The following ZNF462 variants were observed in gnomAD, a reference collection of about 807,000 sequenced individuals.
The protein encoded by ZNF462 is zinc finger protein 462.
A neutral mutation model predicts 201.9 loss-of-function variants in ZNF462; 10 were observed. The ratio of observed to expected loss-of-function variants is 0.05; its 90% confidence interval spans 0.03 to 0.08. The LOEUF is 0.08. Among genes scored for constraint, ZNF462 ranks in the 10% least tolerant of loss-of-function variants. The pLI, the probability that ZNF462 is intolerant of heterozygous loss-of-function variation, is 1.00. For synonymous variants in ZNF462, 1,227 were observed against 1,193.3 expected, an observed-to-expected ratio of 1.03 and a Z score of -0.58; for missense variants, 2,523 against 3,168.3, an observed-to-expected ratio of 0.80 and a Z score of 4.89.
rs1232053234 is a variant in ZNF462, at chr9:106,876,069, T to A, written c.-31+12714T>A. ...GAAAATGCAGTTCTCTGTGCAGGGG[T>A]CTCTGTTAAGAAAGTGATGTGTAGT... On this transcript the variant is annotated intron_variant, in intron 1 of 12. Coordinates refer to ENST00000277225, the MANE Select transcript of ZNF462 (RefSeq NM_021224.6). This position sits in a 1 kb window ranked among gnomAD's most constrained non-coding sequence, Gnocchi z 4.9. Among the ~76,000 whole-genome samples, 1 of 152,030 alleles carries A rather than the reference T, an allele frequency of 6.6e-6. No individual in the cohort carries two copies. Among genetic ancestry groups the A allele is most frequent in the African/African-American group, 2.4e-5 (1 of 41,370 alleles).
Position 106,998,680 on chromosome 9 carries a change from T to C in ZNF462, c.7057-4614T>C, listed in dbSNP as rs538119879. On this transcript the variant is annotated intron_variant, in intron 10 of 12. Transcript: ENST00000277225. ...TGGAGTGCAGTGGCATGATCTTGGCTCACTGCAACCTCCACTTCCCAGGTT... is the reference window on the plus strand; with the variant it reads ...TGGAGTGCAGTGGCATGATCTTGGCCCACTGCAACCTCCACTTCCCAGGTT... Among the ~76,000 whole-genome samples, 3 of 152,134 alleles carry C rather than the reference T, an allele frequency of 2.0e-5. No homozygotes were observed. In the East Asian group the frequency reaches 5.8e-4, roughly 29 times the overall value.
rs1300624124 is a variant in ZNF462, at chr9:106,913,196, G to A, written c.-30-10158G>A. On this transcript the variant is annotated intron_variant, in intron 1 of 12. Coordinates refer to ENST00000277225, the MANE Select transcript of ZNF462 (RefSeq NM_021224.6). This position sits in a 1 kb window ranked among gnomAD's most constrained non-coding sequence, Gnocchi z 4.1. ...AAGTGGAAACTTAGAATTGCCAGTG[G>A]AGACTTAGAATTACTAGTGTCTCAG... is the stretch of plus-strand genomic sequence containing the variant. Among the ~76,000 whole-genome samples the A allele has an allele frequency of 6.6e-6, 1 of 152,196 alleles. No homozygotes were observed. Among genetic ancestry groups the A allele is most frequent in the Admixed American group, 6.5e-5 (1 of 15,276 alleles).
chr9:106,888,123 G>T (rs1828405721), intron 1 of ZNF462, among the ~76,000 whole-genome samples: 1 of 151,122 alleles, frequency 6.6e-6, no homozygotes, highest in Non-Finnish European at 1.5e-5. Flanking sequence ...CTCACTGCAA[G>T]CTCCGCCTCC....
At chr9:106,912,234 A>G (rs568659044) in intron 1 of ZNF462, among the ~76,000 whole-genome samples, 7 of 147,412 alleles carry the variant, frequency 4.7e-5, no homozygotes, top group Non-Finnish European at 1.0e-4. Context: ...AAGCTACTAC[A>G]TAACATTGTT....
intron 1 of ZNF462, among the ~76,000 whole-genome samples, chr9:106,907,654 A>G (rs1267632415): frequency 6.6e-6 from 1 of 151,870 alleles, no homozygotes; most frequent in Admixed American, 6.6e-5. Context: ...AATTAATTTT[A>G]TATAGCATAT....
At chr9:106,874,993 T>A (rs1432850064) in intron 1 of ZNF462, among the ~76,000 whole-genome samples, 1 of 152,224 alleles carries the variant, frequency 6.6e-6, no homozygotes, top group Non-Finnish European at 1.5e-5. Context: ...AATTAGGTGG[T>A]GATTGCCCAA....
At chr9:106,863,570 AGGAGGAAGAGGAGGAGGAGAAGCGAG>A (rs1447497244) in intron 1 of ZNF462, among the ~76,000 whole-genome samples, 6 of 131,414 alleles carry the variant, frequency 4.6e-5, no homozygotes, top group African/African-American at 1.5e-4. Context: ...CAGGAGGGGG[AGGAGGAAGAGGAGGAGGAGAAGCGAG>A]GGAGGAAGAG....
At chr9:106,936,550 G>C (rs1250569849) in intron 6 of ZNF462, among the ~76,000 whole-genome samples, 1 of 152,198 alleles carries the variant, frequency 6.6e-6, no homozygotes, top group African/African-American at 2.4e-5. Context: ...ACTCCACTAG[G>C]AGTAAGGAAT....
intron 1 of ZNF462, among the ~76,000 whole-genome samples, chr9:106,904,873 G>A (rs1205843232): frequency 4.6e-5 from 7 of 151,936 alleles, no homozygotes; most frequent in Non-Finnish European, 7.4e-5. Context: ...CTCTGGTCTC[G>A]CCCTGATTAG....
intron 10 of ZNF462, chr9:106,995,759 C>G (rs1456448561): frequency 6.6e-6 from 1 of 152,146 alleles, no homozygotes; most frequent in Non-Finnish European, 1.5e-5. Flanking sequence ...AAAGTGCCTA[C>G]TTTTATTCTC....
intron 9 of ZNF462, among the ~76,000 whole-genome samples, chr9:106,982,454 T>C (rs1827510017): frequency 6.6e-6 from 1 of 152,136 alleles, no homozygotes; most frequent in African/African-American, 2.4e-5. Context: ...TAGCATGAGC[T>C]CCTTAAGATT....
Position 106,966,987 on chromosome 9 carries a change from T to C in ZNF462, c.6428-5018T>C, listed in dbSNP as rs939435925. Among the ~76,000 whole-genome samples, 1 of 152,116 alleles carries C rather than the reference T, an allele frequency of 6.6e-6. No homozygotes were observed. The highest frequency in any genetic ancestry group is 2.4e-5 in the African/African-American group (1 of 41,428). ...GAATTGATCCTCTGGTATAGCTTCCTCTTTGTATCACTTAGAGCATGCAAG... is the reference window on the plus strand; with the variant it reads ...GAATTGATCCTCTGGTATAGCTTCCCCTTTGTATCACTTAGAGCATGCAAG... On this transcript the variant is annotated intron_variant, in intron 7 of 12. Transcript: ENST00000277225. This position sits in a 1 kb window ranked among gnomAD's most constrained non-coding sequence, Gnocchi z 4.4.
At position 106,926,364 on chromosome 9, in the gene ZNF462, C is replaced by T. The variant is rs1162191779; in HGVS notation, c.2452C>T (p.Leu818=). 1 of 1,614,044 alleles carries T rather than the reference C, an allele frequency of 6.2e-7. No individual in the cohort carries two copies. Among genetic ancestry groups the T allele is most frequent in the Non-Finnish European group, 8.5e-7 (1 of 1,180,040 alleles). ...TCACCAAGTTTCCAATACTGCTCTG[C>T]TGAATACCCAAACTCCCATCTATGG... is the stretch of plus-strand genomic sequence containing the variant. The part of the protein sequence containing the change: ...KDHQVSNTAL[L]NTQTPIYGTE... The change falls in exon 3 of 13, where the codon CTG becomes TTG. Residue 818 remains leucine, a synonymous_variant. Coordinates refer to ENST00000277225, the MANE Select transcript of ZNF462 (RefSeq NM_021224.6). This position sits in a 1 kb window ranked among gnomAD's most constrained non-coding sequence, Gnocchi z 7.9.
rs540792624 is a variant in ZNF462 at position 106,977,836 on chromosome 9, C to T, written c.6832+3563C>T. Among the ~76,000 whole-genome samples the T allele has an allele frequency of 9.4e-4, 142 of 151,622 alleles. No individual in the cohort carries two copies. Among genetic ancestry groups the T allele is most frequent in the Non-Finnish European group, 1.5e-3 (99 of 68,032 alleles). ...TGCAAGGACTATTGTAACAAGTGAC[C>T]ACCAAATGTGTAGATTAAAACAATA... On this transcript the variant is annotated intron_variant, in intron 9 of 12. Transcript: ENST00000277225. This position sits in a 1 kb window ranked among gnomAD's most constrained non-coding sequence, Gnocchi z 4.6.
Position 107,011,082 on chromosome 9 carries a change from G to A in ZNF462, c.*52G>A. On this transcript the variant is annotated 3_prime_UTR_variant, in exon 13 of 13. Transcript: ENST00000277225. This position sits in a 1 kb window ranked among gnomAD's most constrained non-coding sequence, Gnocchi z 5.6. ...CTTACTTGAACAGTGATGAAAAAGT[G>A]GGAGGGCTGGCTTGGGCTGAGAAGG... 6.3e-7 allele frequency: 1 copy of A among 1,584,992 alleles called. No individual in the cohort carries two copies. Among genetic ancestry groups the A allele is most frequent in the Middle Eastern group, 1.7e-4 (1 of 5,958 alleles).
intron 1 of ZNF462, among the ~76,000 whole-genome samples, chr9:106,891,328 G>C (rs966375192): frequency 4.6e-5 from 7 of 152,066 alleles, no homozygotes; most frequent in African/African-American, 1.7e-4. Flanking sequence ...ATTCATGTCT[G>C]CGTTTTCTTT....
chr9:107,009,768 CT>C lies in ZNF462; in HGVS notation c.7313+101del. On this transcript the variant is annotated intron_variant, in intron 12 of 12. Coordinates refer to ENST00000277225, the MANE Select transcript of ZNF462 (RefSeq NM_021224.6). This position sits in a 1 kb window ranked among gnomAD's most constrained non-coding sequence, Gnocchi z 6.1. ...TTCCCCTGACAGTATGTACACCCCT[CT>C]GTGTCACATTTCTGGGCCGTGGGAG... The C allele has an allele frequency of 1.3e-6, 2 of 1,518,094 alleles. No individual in the cohort carries two copies. Among genetic ancestry groups the C allele is most frequent in the Admixed American group, 3.8e-5 (2 of 53,062 alleles). 94.0% of individuals were successfully genotyped at this position (1,518,094 alleles called of 1,614,324 possible). A position where few individuals can be genotyped will look rare whatever the true frequency, so the allele number is the denominator to read the frequency against.
At chr9:106,878,159 T>G (rs1004770663) in intron 1 of ZNF462, among the ~76,000 whole-genome samples, 1 of 152,196 alleles carries the variant, frequency 6.6e-6, no homozygotes, top group African/African-American at 2.4e-5. Flanking sequence ...CTTCCTAGCT[T>G]TGTGAACCTG....
intron 7 of ZNF462, among the ~76,000 whole-genome samples, chr9:106,940,135 A>G (rs1424237427): frequency 2.0e-5 from 3 of 152,154 alleles, no homozygotes; most frequent in African/African-American, 7.2e-5. Context: ...TCCCTGGGCA[A>G]TCTTAGCTTC....
Sources: gnomAD v4.1 joint callset for allele counts (sites outside exome capture counted in the v4.1 genomes callset) on GRCh38, gnomAD v4.1.1 for gene constraint, Gnocchi (gnomAD v3.1) non-coding constraint, MANE v1.5 for transcripts, NCBI Gene and HGNC (gene_info 2026-07-23, HGNC 2026-07-21) for gene names.